Variants in TMEM87A observed in about 807,000 individuals in gnomAD.
TMEM87A encodes the protein Golgi-pH regulating cation channel.
In TMEM87A, 50 loss-of-function variants were observed where a neutral mutation model predicts 90.0. The observed-to-expected ratio is 0.56, with a 90% CI of 0.44 to 0.70. The LOEUF (loss-of-function observed/expected upper bound fraction) is 0.70. Among genes scored for constraint, TMEM87A ranks in the 30% least tolerant of loss-of-function variants. The pLI, the probability that TMEM87A is intolerant of heterozygous loss-of-function variation, is 0.00. For missense variants in TMEM87A, 577 were observed against 660.5 expected (o/e 0.87, Z 1.39); for synonymous variants, 226 against 226.7 (o/e 1.00, Z 0.03).
chr15:42,255,337 G>A (rs1340075813), intron 6 of TMEM87A, among the ~76,000 whole-genome samples: 1 of 152,126 alleles, frequency 6.6e-6, no homozygotes, highest in Admixed American at 6.6e-5. Context: ...TCTCCACGTT[G>A]GTCAGGTTGG....
chr15:42,213,698 C>T (rs2050333122), intron 19 of TMEM87A, among the ~76,000 whole-genome samples: 1 of 152,154 alleles, frequency 6.6e-6, no homozygotes, highest in African/African-American at 2.4e-5. Context: ...CCAGAAAAGA[C>T]ATAATACAGA....
At chr15:42,264,044 C>T (rs1381249841) in intron 4 of TMEM87A, 46 bp downstream of exon 4, 2 of 1,467,890 alleles carry the variant, frequency 1.4e-6, no homozygotes, top group Non-Finnish European at 1.9e-6. Flanking sequence ...ATATACATTC[C>T]AATTTTTGCC....
intron 7 of TMEM87A, among the ~76,000 whole-genome samples, chr15:42,243,200 G>A (rs1027387617): frequency 5.9e-5 from 9 of 151,770 alleles, no homozygotes; most frequent in Non-Finnish European, 8.8e-5. Context: ...CCCAGGAGGC[G>A]GAGCTTGCAG....
chr15:42,219,473 T>C, intron 17 of TMEM87A, 108 bp downstream of exon 17: 1 of 879,830 alleles, frequency 1.1e-6, no homozygotes, highest in Non-Finnish European at 1.7e-6. Flanking sequence ...AAAAAAATCA[T>C]TGCCAAGACC....
At chr15:42,217,954 A>C in intron 18 of TMEM87A, 121 bp from the exon 19 acceptor site, 1 of 948,250 alleles carries the variant, frequency 1.1e-6, no homozygotes, top group East Asian at 2.6e-5. Context: ...CATTTTATTA[A>C]TGGCCCTTTT....
chr15:42,223,209 A>G (rs1445870549), intron 15 of TMEM87A, among the ~76,000 whole-genome samples: 1 of 152,170 alleles, frequency 6.6e-6, no homozygotes, highest in Non-Finnish European at 1.5e-5. Flanking sequence ...CCTGGGCAAC[A>G]TGGCAAAACC....
intron 8 of TMEM87A, among the ~76,000 whole-genome samples, chr15:42,238,839 C>T (rs972677300): frequency 6.8e-6 from 1 of 148,042 alleles, no homozygotes; most frequent in Non-Finnish European, 1.5e-5. Context: ...AGAAAAATGG[C>T]ATGATGATTA....
intron 6 of TMEM87A, among the ~76,000 whole-genome samples, chr15:42,259,249 A>G (rs944309700): frequency 2.0e-5 from 3 of 152,092 alleles, no homozygotes; most frequent in Non-Finnish European, 4.4e-5. Context: ...CAGCCTCCCA[A>G]GTAGCTGGGA....
At chr15:42,237,757 G>A in intron 8 of TMEM87A, 142 bp from the exon 9 acceptor site, 1 of 664,978 alleles carries the variant, frequency 1.5e-6, no homozygotes, top group Non-Finnish European at 2.2e-6. Context: ...TGAACTTCTG[G>A]ACTCAAGCAA....
chr15:42,217,761 G>A, intron 19 of TMEM87A, 42 bp downstream of exon 19: 1 of 1,597,068 alleles, frequency 6.3e-7, no homozygotes, highest in Non-Finnish European at 8.6e-7. Context: ...TTTCTATTTA[G>A]TCACCATATA....
chr15:42,272,558 A>T (rs1032199469), intron 1 of TMEM87A: 1 of 200,546 alleles, frequency 5.0e-6, no homozygotes, highest in Non-Finnish European at 1.0e-5. Context: ...TCCTCCCTGC[A>T]TCTGGTTTTT....
intron 17 of TMEM87A, 99 bp downstream of exon 17, chr15:42,219,482 C>A (rs1216217048): frequency 3.1e-6 from 3 of 963,652 alleles, no homozygotes; most frequent in Non-Finnish European, 4.6e-6. Context: ...ATTGCCAAGA[C>A]CAATGTCACA....
intron 19 of TMEM87A, among the ~76,000 whole-genome samples, chr15:42,214,457 C>G: frequency 6.6e-6 from 1 of 152,076 alleles, no homozygotes; most frequent in East Asian, 1.9e-4. Flanking sequence ...CAGAATTTAA[C>G]GGCACGTTGA....
chr15:42,247,704 T>C (rs2051004048), intron 6 of TMEM87A, among the ~76,000 whole-genome samples: 2 of 152,208 alleles, frequency 1.3e-5, no homozygotes, highest in Admixed American at 6.5e-5. Flanking sequence ...GTAGTATAGT[T>C]TGAAGTCAGG....
In TMEM87A at chr15:42,230,026, A is replaced by G. The variant is rs529703094; in HGVS notation, c.1131+1166T>C. Among the ~76,000 whole-genome samples, 3 of 152,282 alleles carry G rather than the reference A, an allele frequency of 2.0e-5. No individual in the cohort carries two copies. The East Asian group carries it at 5.8e-4, about 29-fold the overall frequency. Reference sequence around the variant, plus strand: ...TTTTTTGTAGAGATAGGGCTTCGCCATGTTGCCCAGGCTGGTCTCAAACTC... The same window carrying G: ...TTTTTTGTAGAGATAGGGCTTCGCCGTGTTGCCCAGGCTGGTCTCAAACTC... On this transcript the variant is annotated intron_variant, in intron 12 of 19. Coordinates refer to ENST00000389834, the MANE Select transcript of TMEM87A (RefSeq NM_015497.5).
chr15:42,273,202 T>C, intron 1 of TMEM87A, 53 bp downstream of exon 1: 2 of 1,606,742 alleles, frequency 1.2e-6, no homozygotes, highest in Non-Finnish European at 1.7e-6. Context: ...TGGGCCGCCG[T>C]AGCCCCACCC....
At chr15:42,233,808 A>G (rs981456106) in intron 10 of TMEM87A, among the ~76,000 whole-genome samples, 2 of 151,862 alleles carry the variant, frequency 1.3e-5, no homozygotes, top group Non-Finnish European at 2.9e-5. Context: ...ACAGGGTCTC[A>G]CTCTATCGCC....
intron 11 of TMEM87A, among the ~76,000 whole-genome samples, chr15:42,232,236 C>T (rs1180800945): frequency 6.6e-6 from 1 of 152,032 alleles, no homozygotes; most frequent in Non-Finnish European, 1.5e-5. Context: ...TTCTTTTCTC[C>T]TCTTTTTTAA....
At chr15:42,241,937 C>G (rs534963529) in intron 7 of TMEM87A, among the ~76,000 whole-genome samples, 2 of 151,706 alleles carry the variant, frequency 1.3e-5, no homozygotes, top group East Asian at 3.9e-4. Flanking sequence ...TGTGATGGTG[C>G]AGGCCAGCAA....
Sources: gnomAD v4.1 joint callset for allele counts (sites outside exome capture counted in the v4.1 genomes callset) on GRCh38, gnomAD v4.1.1 for gene constraint, MANE v1.5 for transcripts, NCBI Gene and HGNC (gene_info 2026-07-23, HGNC 2026-07-21) for gene names.